DSG2: variants seen among roughly 807,000 people sequenced by gnomAD.
The protein encoded by DSG2 is desmoglein-2.
A neutral mutation model predicts 75.6 loss-of-function variants in DSG2; 45 were observed. The ratio of observed to expected loss-of-function variants is 0.60; its 90% CI spans 0.47 to 0.76. DSG2 has a LOEUF of 0.76. Ranked by LOEUF, DSG2 falls within the 30% of genes least tolerant of loss-of-function variation. DSG2 has a pLI of 0.00. For synonymous variants in DSG2, 429 were observed against 483.9 expected (o/e 0.89, Z 1.49); for missense variants, 1,267 against 1,357.4 (o/e 0.93, Z 1.05).
chr18:31,511,447 G>A (rs183686304), intron 1 of DSG2, among the ~76,000 whole-genome samples: 2 of 152,230 alleles, frequency 1.3e-5, no homozygotes, highest in African/African-American at 4.8e-5. Flanking sequence ...TTAAGAATGT[G>A]TTCTGTGAGA....
chr18:31,539,026 A>G (rs1193393015), intron 12 of DSG2, 48 bp downstream of exon 12: 1 of 1,529,844 alleles, frequency 6.5e-7, no homozygotes, highest in Non-Finnish European at 9.0e-7. Flanking sequence ...ATCTGAGTGC[A>G]CTCCTGGAGA....
At position 31,531,193 on chromosome 18, in the gene DSG2, C is replaced by T; in HGVS notation, c.1221C>T (p.Gly407=). The stretch of plus-strand genomic sequence containing the variant: ...AGAGCATGGATAGATCAAGCAAAGG[C>T]CAAATAATTGGAAATTTTCAAGCTT... ...VSESMDRSSK[G]QIIGNFQAFD... is the part of the protein sequence containing the mutation. The change falls in exon 9 of 15, where the codon GGC becomes GGT. Residue 407 remains glycine (G), a synonymous_variant. Transcript: ENST00000261590. The T allele has an allele frequency of 6.2e-7, 1 of 1,614,076 alleles. No homozygotes were observed. The highest frequency in any genetic ancestry group is 1.3e-5 in the African/African-American group (1 of 75,000).
At chr18:31,503,788 G>A (rs2073025776) in intron 1 of DSG2, among the ~76,000 whole-genome samples, 1 of 152,150 alleles carries the variant, frequency 6.6e-6, no homozygotes, top group African/African-American at 2.4e-5. Context: ...ACTGCCACAG[G>A]GAGATTGGTT....
intron 14 of DSG2, 120 bp from the exon 15 acceptor site, chr18:31,545,601 C>CT (rs2073299027): frequency 8.2e-7 from 1 of 1,213,676 alleles, no homozygotes; most frequent in African/African-American, 1.5e-5. Flanking sequence ...CTGATGGTTC[C>CT]TTGTAATTAA....
At chr18:31,515,220 A>G (rs1015733475) in intron 1 of DSG2, among the ~76,000 whole-genome samples, 3 of 152,128 alleles carry the variant, frequency 2.0e-5, no homozygotes, top group Admixed American at 1.3e-4. Context: ...CTCCTGCCTC[A>G]GCCTCTCGAG....
intron 9 of DSG2, 105 bp downstream of exon 9, chr18:31,531,357 T>C (rs2073197824): frequency 7.3e-7 from 1 of 1,364,320 alleles, no homozygotes; most frequent in Non-Finnish European, 1.0e-6. Flanking sequence ...AAATCCAGCA[T>C]TATAGTTCCC....
At chr18:31,510,967 G>A (rs113705822) in intron 1 of DSG2, among the ~76,000 whole-genome samples, 2 of 152,144 alleles carry the variant, frequency 1.3e-5, no homozygotes, top group African/African-American at 4.8e-5. Context: ...ATCCCCACAG[G>A]AGGTGACTCA....
At chr18:31,504,462 C>T (rs138433603) in intron 1 of DSG2, among the ~76,000 whole-genome samples, 4 of 152,296 alleles carry the variant, frequency 2.6e-5, no homozygotes, top group African/African-American at 4.8e-5. Flanking sequence ...TTTCAGTTAT[C>T]GCCTTCCTTT....
intron 1 of DSG2, among the ~76,000 whole-genome samples, chr18:31,514,793 C>G (rs1201095061): frequency 6.6e-6 from 1 of 152,186 alleles, no homozygotes; most frequent in Non-Finnish European, 1.5e-5. Flanking sequence ...TTCTGCATTT[C>G]TGAGCAAATC....
intron 9 of DSG2, among the ~76,000 whole-genome samples, chr18:31,532,607 T>C (rs903722570): frequency 1.2e-4 from 18 of 152,202 alleles, no homozygotes; most frequent in African/African-American, 3.9e-4. Flanking sequence ...TTTTCCAAAG[T>C]AATGTTAACA....
chr18:31,519,581 A>G (rs1250280871), intron 2 of DSG2, among the ~76,000 whole-genome samples: 6 of 152,140 alleles, frequency 3.9e-5, no homozygotes, highest in Non-Finnish European at 8.8e-5. Flanking sequence ...AAAATAAACC[A>G]GAAAAAACCC....
chr18:31,499,904 A>G (rs1234628892), intron 1 of DSG2, among the ~76,000 whole-genome samples: 1 of 152,112 alleles, frequency 6.6e-6, no homozygotes, highest in African/African-American at 2.4e-5. Flanking sequence ...CAGGAGCAAA[A>G]TTCTTGGACT....
In DSG2 at chr18:31,546,952, A is replaced by G; in HGVS notation, c.*209A>G. ...AAATGTTCCACAATTTACTGAAGAC[A>G]TAGAGATGATGCTGCTGCTTAGGTG... On this transcript the variant is annotated 3_prime_UTR_variant, in exon 15 of 15. Coordinates refer to ENST00000261590, the MANE Select transcript of DSG2 (RefSeq NM_001943.5). 1 of 645,174 alleles carries G rather than the reference A, an allele frequency of 1.5e-6. No homozygotes were observed. Among genetic ancestry groups the G allele is most frequent in the Non-Finnish European group, 2.8e-6 (1 of 360,942 alleles). The allele number at this position is 645,174 out of a possible 1,614,324, so 40.0% of individuals were successfully genotyped here.
chr18:31,539,116 C>A (rs1021649189), intron 12 of DSG2, 138 bp downstream of exon 12: 3 of 825,528 alleles, frequency 3.6e-6, no homozygotes, highest in African/African-American at 1.7e-5. Flanking sequence ...AATAGGGAAA[C>A]AACTGATGAT....
chr18:31,537,113 AGG>A (rs1281977022), intron 11 of DSG2, among the ~76,000 whole-genome samples: 1 of 151,978 alleles, frequency 6.6e-6, no homozygotes, highest in African/African-American at 2.4e-5. Context: ...TTAAACAACT[AGG>A]GTTCATTTCA....
intron 9 of DSG2, among the ~76,000 whole-genome samples, chr18:31,531,661 G>A (rs2073199632): frequency 6.6e-6 from 1 of 152,132 alleles, no homozygotes; most frequent in Non-Finnish European, 1.5e-5. Flanking sequence ...TTTAATATGG[G>A]GAAACCAGCT....
chr18:31,538,895 G>A lies in DSG2; in HGVS notation c.1796G>A (p.Cys599Tyr). The A allele has an allele frequency of 6.2e-7, 1 of 1,614,170 alleles. No homozygotes were observed. Among genetic ancestry groups the A allele is most frequent in the Non-Finnish European group, 8.5e-7 (1 of 1,180,034 alleles). Residue 599 changes from cysteine (C) to tyrosine (Y), a missense_variant, in exon 12 of 15, where the codon TGC (cysteine) becomes TAC (tyrosine). Cys to Tyr is a radical substitution (Grantham distance 194, BLOSUM62 -2). Transcript: ENST00000261590. Reference sequence around the variant, plus strand: ...TGTGAGTGTCTGCATGGCAGCGGCTGCAGGGAAGCACAGCATGACTCCTAT... The same window carrying A: ...TGTGAGTGTCTGCATGGCAGCGGCTACAGGGAAGCACAGCATGACTCCTAT... ...TVCECLHGSG[C>Y]REAQHDSYVG...
intron 9 of DSG2, among the ~76,000 whole-genome samples, chr18:31,533,114 A>T (rs1027811856): frequency 2.0e-4 from 31 of 152,348 alleles, no homozygotes; most frequent in African/African-American, 5.5e-4. Context: ...GAATGGAGGC[A>T]CAACCAAGTT....
chr18:31,536,262 A>G lies in DSG2; in HGVS notation c.1484A>G (p.Asn495Ser), dbSNP rs1343972091. 4.3e-6 allele frequency: 7 copies of G among 1,614,076 alleles called. No homozygotes were observed. Among genetic ancestry groups the G allele is most frequent in the Non-Finnish European group, 5.9e-6 (7 of 1,180,040 alleles). The part of the protein sequence containing the change: ...VLINVEDIND[N>S]CPTLIEPVQT... ...ATCAATGTTGAAGACATCAACGACAACTGTCCCACACTGATAGAGCCTGTG... is the reference window on the plus strand; with the variant it reads ...ATCAATGTTGAAGACATCAACGACAGCTGTCCCACACTGATAGAGCCTGTG... Residue 495 changes from asparagine to serine, a missense_variant, in exon 11 of 15, where the codon AAC (asparagine) becomes AGC (serine). Transcript: ENST00000261590.
Sources: gnomAD v4.1 joint callset for allele counts (sites outside exome capture counted in the v4.1 genomes callset) on GRCh38, gnomAD v4.1.1 for gene constraint, MANE v1.5 for transcripts, NCBI Gene and HGNC (gene_info 2026-07-23, HGNC 2026-07-21) for gene names.